The following HSD17B6 variants were observed in gnomAD, a reference collection of about 807,000 sequenced individuals.
HSD17B6 encodes 17-beta-hydroxysteroid dehydrogenase type 6.
In HSD17B6, 16 loss-of-function variants were observed where a neutral mutation model predicts 26.4. The ratio of observed to expected loss-of-function variants is 0.61; its 90% CI spans 0.41 to 0.92. HSD17B6 has a LOEUF of 0.92. Among genes scored for constraint, HSD17B6 ranks in the 40% least tolerant of loss-of-function variants. The pLI is 0.00. For missense variants in HSD17B6, 357 were observed against 386.1 expected, an observed-to-expected ratio of 0.92 and a Z score of 0.63; for synonymous variants, 139 against 153.0, an observed-to-expected ratio of 0.91 and a Z score of 0.68.
At chr12:56,772,458 G>A (rs1157612219) in intron 1 of HSD17B6, among the ~76,000 whole-genome samples, 5 of 152,068 alleles carry the variant, frequency 3.3e-5, no homozygotes, top group Non-Finnish European at 7.4e-5. Flanking sequence ...ATTTTGGGAG[G>A]CCAAGGTGGG....
chr12:56,783,844 G>C (rs1450032216), intron 3 of HSD17B6, among the ~76,000 whole-genome samples: 2 of 151,954 alleles, frequency 1.3e-5, no homozygotes, highest in Non-Finnish European at 2.9e-5. Context: ...CCCGGAGGGG[G>C]TGGCTGCCGG....
chr12:56,787,103 C>G (rs1592380047), intron 4 of HSD17B6, 22 bp from the exon 5 acceptor site: 1 of 1,550,810 alleles, frequency 6.4e-7, no homozygotes, highest in East Asian at 2.2e-5. Context: ...TTGTTGACCA[C>G]CATTTCTTTT....
intron 4 of HSD17B6, among the ~76,000 whole-genome samples, chr12:56,786,784 G>A (rs941024022): frequency 7.2e-5 from 11 of 152,158 alleles, no homozygotes; most frequent in Non-Finnish European, 1.2e-4. Context: ...GGGAGGCAGA[G>A]GTTGCAGTGA....
intron 2 of HSD17B6, among the ~76,000 whole-genome samples, chr12:56,780,840 CAAAA>C (rs59227954): frequency 4.7e-5 from 3 of 64,104 alleles, no homozygotes; most frequent in African/African-American, 5.8e-5. Flanking sequence ...GACTCCGTCT[CAAAA>C]AAAAAAAAAA....
At position 56,784,919 on chromosome 12, in the gene HSD17B6, G is replaced by A; in HGVS notation, c.639G>A (p.Met213Ile). The A allele has an allele frequency of 6.2e-7, 1 of 1,614,120 alleles. No homozygotes were observed. The highest frequency in any genetic ancestry group is 8.5e-7 in the Non-Finnish European group (1 of 1,180,020). The change falls in exon 4 of 5, where the codon ATG becomes ATA. Residue 213 changes from methionine to isoleucine, a missense_variant. Coordinates refer to ENST00000322165, the MANE Select transcript of HSD17B6 (RefSeq NM_003725.4). ...AACCTGGCTACTTCAGAACGGGAAT[G>A]ACAAACATGACACAGTCCTTAGAGC... is the stretch of plus-strand genomic sequence containing the variant. The part of the protein sequence containing the change: ...IVEPGYFRTG[M>I]TNMTQSLERM...
rs899624851 is a variant in HSD17B6 at position 56,767,656 on chromosome 12, A to T, written c.-20+4242A>T. Among the ~76,000 whole-genome samples, 31 of 144,578 alleles carry T rather than the reference A, an allele frequency of 2.1e-4. 1 individual carries two copies. The highest frequency in any genetic ancestry group is 3.4e-4 in the Non-Finnish European group (23 of 66,736). 94.8% of individuals were successfully genotyped at this position (144,578 alleles called of 152,430 possible). A position where few individuals can be genotyped will look rare whatever the true frequency, so the allele number is the denominator to read the frequency against. Reference sequence around the variant, plus strand: ...ATTATATTAATATATTATATATATTATATATATAGTGTATATATTATATAT... The same window carrying T: ...ATTATATTAATATATTATATATATTTTATATATAGTGTATATATTATATAT... On this transcript the variant is annotated intron_variant, in intron 1 of 4. Transcript: ENST00000322165.
chr12:56,769,790 T>G (rs915364662), intron 1 of HSD17B6, among the ~76,000 whole-genome samples: 1 of 152,176 alleles, frequency 6.6e-6, no homozygotes, highest in Non-Finnish European at 1.5e-5. Flanking sequence ...GCCACGCCAC[T>G]TCGGGTATTT....
chr12:56,781,888 C>T (rs1419973905), intron 2 of HSD17B6, 86 bp from the exon 3 acceptor site: 5 of 1,411,804 alleles, frequency 3.5e-6, no homozygotes, highest in Non-Finnish European at 4.9e-6. Context: ...TATGATTCCT[C>T]AAGAGTGATT....
Position 56,773,833 on chromosome 12 carries a change from G to A in HSD17B6, c.-19-1G>A. 1 of 1,519,246 alleles carries A rather than the reference G, an allele frequency of 6.6e-7. No individual in the cohort carries two copies. The highest frequency in any genetic ancestry group is 2.3e-5 in the East Asian group (1 of 43,896). The allele number at this position is 1,519,246 out of a possible 1,614,324, so 94.1% of individuals were successfully genotyped here. On this transcript the variant is annotated splice_acceptor_variant, in intron 1 of 4. Coordinates refer to ENST00000322165, the MANE Select transcript of HSD17B6 (RefSeq NM_003725.4). LOFTEE classifies it low-confidence loss of function (5UTR_SPLICE). ...ATAAAATGTTTTCTTTCTATTGAAAGAGAAGGAAGCACCCTCACTATGTGG... is the reference window on the plus strand; with the variant it reads ...ATAAAATGTTTTCTTTCTATTGAAAAAGAAGGAAGCACCCTCACTATGTGG...
At chr12:56,768,184 C>G (rs1256514041) in intron 1 of HSD17B6, among the ~76,000 whole-genome samples, 1 of 151,974 alleles carries the variant, frequency 6.6e-6, no homozygotes, top group Non-Finnish European at 1.5e-5. Context: ...ATCTAAGAAT[C>G]AGATAAAATC....
At chr12:56,781,836 A>G (rs1345722176) in intron 2 of HSD17B6, 138 bp from the exon 3 acceptor site, 13 of 862,880 alleles carry the variant, frequency 1.5e-5, no homozygotes, top group Non-Finnish European at 2.2e-5. Flanking sequence ...CTTGTATGTT[A>G]TATCATTTGG....
intron 1 of HSD17B6, among the ~76,000 whole-genome samples, chr12:56,769,101 A>G (rs1954410986): frequency 8.5e-6 from 1 of 117,148 alleles, no homozygotes; most frequent in African/African-American, 2.9e-5. Context: ...CAGCTTTTCA[A>G]GGTTTTTTTT....
chr12:56,767,791 AAT>A (rs962227715), intron 1 of HSD17B6, among the ~76,000 whole-genome samples: 7 of 145,974 alleles, frequency 4.8e-5, no homozygotes, highest in South Asian at 4.2e-4. Flanking sequence ...ATGTATATAT[AAT>A]ATATATGTGT....
intron 2 of HSD17B6, among the ~76,000 whole-genome samples, chr12:56,778,886 A>G (rs1204295752): frequency 1.3e-5 from 2 of 151,712 alleles, no homozygotes; most frequent in Admixed American, 6.6e-5. Context: ...CGTGTTTGCC[A>G]GGATGCTCTC....
intron 3 of HSD17B6, among the ~76,000 whole-genome samples, chr12:56,782,543 T>G (rs1954745145): frequency 6.6e-6 from 1 of 152,120 alleles, no homozygotes; most frequent in Non-Finnish European, 1.5e-5. Context: ...CAAGCTGGAG[T>G]GCAATTGTGT....
At chr12:56,773,706 G>A (rs1199048054) in intron 1 of HSD17B6, 128 bp from the exon 2 acceptor site, 5 of 870,986 alleles carry the variant, frequency 5.7e-6, no homozygotes, top group African/African-American at 1.7e-5. Context: ...CCCCTTGAGG[G>A]TAGGACTAAG....
At chr12:56,784,005 C>T (rs1215751560) in intron 3 of HSD17B6, among the ~76,000 whole-genome samples, 1 of 151,380 alleles carries the variant, frequency 6.6e-6, no homozygotes, top group Non-Finnish European at 1.5e-5. Flanking sequence ...GACGGGGTCG[C>T]GGCTGGGCCG....
chr12:56,783,242 C>T (rs1378827825), intron 3 of HSD17B6, among the ~76,000 whole-genome samples: 1 of 151,412 alleles, frequency 6.6e-6, no homozygotes, highest in Non-Finnish European at 1.5e-5. Context: ...CCCTCACCTC[C>T]CGGACGGGGT....
chr12:56,780,000 C>T lies in HSD17B6; in HGVS notation c.314-1974C>T, dbSNP rs143514902. Reference sequence around the variant, plus strand: ...ATAGGCTAGTCTATGTTAATAATTACTTTCTCTTGGCACATTGAAGACACC... The same window carrying T: ...ATAGGCTAGTCTATGTTAATAATTATTTTCTCTTGGCACATTGAAGACACC... On this transcript the variant is annotated intron_variant, in intron 2 of 4. Transcript: ENST00000322165. Among the ~76,000 whole-genome samples, 33 of 152,228 alleles carry T rather than the reference C, an allele frequency of 2.2e-4. No homozygotes were observed. In the East Asian group the frequency reaches 6.0e-3, roughly 28 times the overall value.
Sources: gnomAD v4.1 joint callset for allele counts (sites outside exome capture counted in the v4.1 genomes callset) on GRCh38, gnomAD v4.1.1 for gene constraint, MANE v1.5 for transcripts, NCBI Gene and HGNC (gene_info 2026-07-23, HGNC 2026-07-21) for gene names.